The following TMEM18 variants were observed in gnomAD, a reference collection of about 807,000 sequenced individuals.
TMEM18 encodes the protein transmembrane protein 18.
TMEM18 carries 14 observed loss-of-function variants against 17.4 expected under a neutral mutation model. That is an observed-to-expected ratio of 0.80 (90% CI 0.53 to 1.25). The LOEUF is 1.25. Among genes scored for constraint, TMEM18 ranks in the 50% most tolerant of loss-of-function variants. The pLI, the probability that TMEM18 is intolerant of heterozygous loss-of-function variation, is 0.00. For missense variants in TMEM18, 187 were observed against 172.1 expected, an observed-to-expected ratio of 1.09 and a Z score of -0.48; for synonymous variants, 86 against 66.1, an observed-to-expected ratio of 1.30 and a Z score of -1.46.
At chr2:676,691 C>T in intron 1 of TMEM18, 2 of 1,520,828 alleles carry the variant, frequency 1.3e-6, no homozygotes, top group South Asian at 1.2e-5. Context: ...ATCTGTCAGA[C>T]GAACCCGGCA....
At position 667,949 on chromosome 2, in the gene TMEM18, TAAAG is replaced by T. The variant is rs899468586; in HGVS notation, c.*1627_*1630del. ...TAATTAGTCTGTTCTCACACTGCTA[TAAAG>T]ATACTACCTGAGACCTGGATTACTT... On this transcript the variant is annotated 3_prime_UTR_variant, in exon 5 of 5. Coordinates refer to ENST00000281017, the MANE Select transcript of TMEM18 (RefSeq NM_152834.4). The T allele has an allele frequency of 1.3e-5, 2 of 152,256 alleles. No homozygotes were observed. The highest frequency in any genetic ancestry group is 6.5e-5 in the Admixed American group (1 of 15,292). 9.4% of individuals were successfully genotyped at this position (152,256 alleles called of 1,614,324 possible).
Position 675,629 on chromosome 2 carries a change from T to C in TMEM18, c.59A>G (p.Gln20Arg). 6.2e-7 allele frequency: 1 copy of C among 1,613,898 alleles called. No homozygotes were observed. Among genetic ancestry groups the C allele is most frequent in the Non-Finnish European group, 8.5e-7 (1 of 1,180,014 alleles). ...FPVSIPAVLTQTDWTEPWLMG... is the reference protein window; with the variant it reads ...FPVSIPAVLTRTDWTEPWLMG... The stretch of plus-strand genomic sequence containing the variant: ...GAGCCAGGGCTCAGTCCAGTCCGTC[T>C]GCTGTAGGAACACACCAGCAGACAC... The change falls in exon 2 of 5, where the codon CAG becomes CGG. Residue 20 changes from glutamine (Q) to arginine (R), a missense_variant and splice_region_variant. Physicochemically the swap from Gln to Arg is conservative, Grantham distance 43. Transcript: ENST00000281017.
At position 668,672 on chromosome 2, in the gene TMEM18, C is replaced by G. The variant is rs1279904939; in HGVS notation, c.*908G>C. On this transcript the variant is annotated 3_prime_UTR_variant, in exon 5 of 5. Transcript: ENST00000281017. ...CTGTCATTCTTAAACTACAGGTCCACATTTGACAGGAACCAAGAGCCACTG... is the reference window on the plus strand; with the variant it reads ...CTGTCATTCTTAAACTACAGGTCCAGATTTGACAGGAACCAAGAGCCACTG... 2.6e-5 allele frequency: 4 copies of G among 152,258 alleles called. No individual in the cohort carries two copies. The highest frequency in any genetic ancestry group is 5.9e-5 in the Non-Finnish European group (4 of 68,064). 9.4% of individuals were successfully genotyped at this position (152,258 alleles called of 1,614,324 possible). A position where few individuals can be genotyped will look rare whatever the true frequency, so the allele number is the denominator to read the frequency against.
rs1000215867 is a variant in TMEM18 at position 675,811 on chromosome 2, G to A, written c.58-181C>T. On this transcript the variant is annotated intron_variant, in intron 1 of 4. Coordinates refer to ENST00000281017, the MANE Select transcript of TMEM18 (RefSeq NM_152834.4). ...CAGAGAAACATGGGGACAGGAAAGG[G>A]AGAAGGAACCAGGAGGATGGAAACA... is the stretch of plus-strand genomic sequence containing the variant. 90 of 1,530,194 alleles carry A rather than the reference G, an allele frequency of 5.9e-5. No individual in the cohort carries two copies. The Admixed American group carries it at 1.8e-3, about 30-fold the overall frequency. The allele number at this position is 1,530,194 out of a possible 1,614,324, so 94.8% of individuals were successfully genotyped here.
Position 669,062 on chromosome 2 carries a change from CAGG to C in TMEM18, c.*515_*517del, listed in dbSNP as rs955020537. On this transcript the variant is annotated 3_prime_UTR_variant, in exon 5 of 5. Coordinates refer to ENST00000281017, the MANE Select transcript of TMEM18 (RefSeq NM_152834.4). ...ATTTTATGCATCACCCCGGGCTCCA[CAGG>C]AGAAGCCAGGAGCACCACCCCCTCC... 2.6e-5 allele frequency: 4 copies of C among 153,734 alleles called. No individual in the cohort carries two copies. The highest frequency in any genetic ancestry group is 7.2e-5 in the African/African-American group (3 of 41,470). The allele number at this position is 153,734 out of a possible 1,614,324, so 9.5% of individuals were successfully genotyped here. A position where few individuals can be genotyped will look rare whatever the true frequency, so the allele number is the denominator to read the frequency against.
At position 663,886 on chromosome 2, in the gene TMEM18, C is replaced by CA. The variant is rs2103085927; in HGVS notation, c.*5693dup. On this transcript the variant is annotated 3_prime_UTR_variant, in exon 5 of 5. Coordinates refer to ENST00000281017, the MANE Select transcript of TMEM18 (RefSeq NM_152834.4). ...AACTTACAGAGAAGAATTTAAAGAG[C>CA]AAAAAAGCCAACATGAGTAACTTTA... Among the ~76,000 whole-genome samples the CA allele has an allele frequency of 6.6e-6, 1 of 152,200 alleles. No homozygotes were observed. The highest frequency in any genetic ancestry group is 2.4e-5 in the African/African-American group (1 of 41,520).
Position 665,755 on chromosome 2 carries a change from C to G in TMEM18, c.*3825G>C, listed in dbSNP as rs79510229. 6.9e-6 allele frequency among the ~76,000 whole-genome samples: 1 copy of G among 143,984 alleles called. No homozygotes were observed. The highest frequency in any genetic ancestry group is 2.2e-4 in the East Asian group (1 of 4,508). 94.5% of individuals were successfully genotyped at this position (143,984 alleles called of 152,430 possible). On this transcript the variant is annotated 3_prime_UTR_variant, in exon 5 of 5. Coordinates refer to ENST00000281017, the MANE Select transcript of TMEM18 (RefSeq NM_152834.4). ...AGATGCCCCACTCACTCAGATGGAG[C>G]ATCAACCCCACACACAACAGGACCC...
chr2:669,634 C>T lies in TMEM18; in HGVS notation c.369G>A (p.Leu123=), dbSNP rs566276926. ...VWKTLNVMTD[L]KNAQERRKEK... is the part of the protein sequence containing the mutation. ...CCTTTCTTCTCTCTTGTGCATTCTT[C>T]AGGTCAGTCATCACATTCAAAGTCT... The change falls in exon 5 of 5, where the codon CTG becomes CTA. Residue 123 remains leucine (L), a synonymous_variant. Coordinates refer to ENST00000281017, the MANE Select transcript of TMEM18 (RefSeq NM_152834.4). 116 of 1,614,176 alleles carry T rather than the reference C, an allele frequency of 7.2e-5. 2 individuals are homozygous for T. In the South Asian group the frequency reaches 1.2e-3, roughly 16 times the overall value.
In TMEM18 at chr2:664,871, C is replaced by T. The variant is rs940880243; in HGVS notation, c.*4709G>A. On this transcript the variant is annotated 3_prime_UTR_variant, in exon 5 of 5. Coordinates refer to ENST00000281017, the MANE Select transcript of TMEM18 (RefSeq NM_152834.4). ...CATCTCTAATATCAGTAACTGGTTA[C>T]GTAAATTCAGCCTATACCCCTACAA... Among the ~76,000 whole-genome samples, 12 of 152,264 alleles carry T rather than the reference C, an allele frequency of 7.9e-5. No homozygotes were observed. Among genetic ancestry groups the T allele is most frequent in the Admixed American group, 4.6e-4 (7 of 15,290 alleles).
At position 675,569 on chromosome 2, in the gene TMEM18, A is replaced by T. The variant is rs750958288; in HGVS notation, c.119T>A (p.Leu40His). 6.2e-7 allele frequency: 1 copy of T among 1,614,234 alleles called. No individual in the cohort carries two copies. The highest frequency in any genetic ancestry group is 8.5e-7 in the Non-Finnish European group (1 of 1,180,044). ...GCTTCGGGAGGACAAGCAGGTGAGG[A>T]GCACGCAGAGCGCGTGGAAGGTGGC... Reference protein sequence around the residue: ...GLATFHALCVLLTCLSSRSYR... With the variant: ...GLATFHALCVHLTCLSSRSYR... Residue 40 changes from leucine (L) to histidine (H), a missense_variant, in exon 2 of 5, where the codon CTC becomes CAC. Physicochemically the swap from Leu to His is moderately conservative, Grantham distance 99. Coordinates refer to ENST00000281017, the MANE Select transcript of TMEM18 (RefSeq NM_152834.4).
At chr2:675,831 G>T (rs2293084) in intron 1 of TMEM18, 676,315 of 1,524,088 alleles carry the variant, frequency 0.44, 151,718 homozygotes, top group South Asian at 0.51. Flanking sequence ...CAGGAGGATG[G>T]AAACAGGATT....
chr2:664,263 GTCAGCTTGGGAGGAGGTGGAACC>G lies in TMEM18; in HGVS notation c.*5294_*5316del, dbSNP rs1371598647. On this transcript the variant is annotated 3_prime_UTR_variant, in exon 5 of 5. Transcript: ENST00000281017. ...CACGGTTCTTCTCCGAGGGTCACTTGTCAGCTTGGGAGGAGGTGGAACCTCAGCTCTTCACAGTTCCTGATGAT... is the reference window on the plus strand; with the variant it reads ...CACGGTTCTTCTCCGAGGGTCACTTGTCAGCTCTTCACAGTTCCTGATGAT... Among the ~76,000 whole-genome samples the G allele has an allele frequency of 6.6e-6, 1 of 152,194 alleles. No individual in the cohort carries two copies. Among genetic ancestry groups the G allele is most frequent in the Non-Finnish European group, 1.5e-5 (1 of 68,036 alleles).
Position 669,523 on chromosome 2 carries a change from AC to A in TMEM18, c.*56del. 1 of 1,526,132 alleles carries A rather than the reference AC, an allele frequency of 6.6e-7. No homozygotes were observed. Among genetic ancestry groups the A allele is most frequent in the Non-Finnish European group, 9.1e-7 (1 of 1,101,398 alleles). 94.5% of individuals were successfully genotyped at this position (1,526,132 alleles called of 1,614,324 possible). A position where few individuals can be genotyped will look rare whatever the true frequency, so the allele number is the denominator to read the frequency against. On this transcript the variant is annotated 3_prime_UTR_variant, in exon 5 of 5. Transcript: ENST00000281017. ...ATGCCCACGCCACGCACACTGCAGCACTGGGAGCTGCACTGGGTGGACGGGA... is the reference window on the plus strand; with the variant it reads ...ATGCCCACGCCACGCACACTGCAGCATGGGAGCTGCACTGGGTGGACGGGA...
In TMEM18 at chr2:669,789, C is replaced by T; in HGVS notation, c.295G>A (p.Ala99Thr). 3.1e-6 allele frequency: 5 copies of T among 1,613,962 alleles called. No homozygotes were observed. The highest frequency in any genetic ancestry group is 4.2e-6 in the Non-Finnish European group (5 of 1,180,002). Residue 99 changes from alanine to threonine, a missense_variant, in exon 4 of 5, where the codon GCC becomes ACC. Coordinates refer to ENST00000281017, the MANE Select transcript of TMEM18 (RefSeq NM_152834.4). ...ATCATGGCATTCACCAGCAGTGGGG[C>T]TGAAAATACTATAGAAATGAACATC... Reference protein sequence around the residue: ...RGMFISIVFSAPLLVNAMIIV... With the variant: ...RGMFISIVFSTPLLVNAMIIV...
chr2:674,196 C>T (rs1267922551), intron 2 of TMEM18, among the ~76,000 whole-genome samples: 4 of 152,190 alleles, frequency 2.6e-5, no homozygotes, highest in African/African-American at 9.7e-5. Context: ...GTCATCCTTC[C>T]CCTTATCCTA....
Position 664,586 on chromosome 2 carries a change from C to T in TMEM18, c.*4994G>A, listed in dbSNP as rs898901497. Among the ~76,000 whole-genome samples, 10 of 152,338 alleles carry T rather than the reference C, an allele frequency of 6.6e-5. No homozygotes were observed. Among genetic ancestry groups the T allele is most frequent in the African/African-American group, 2.4e-4 (10 of 41,576 alleles). ...AGTTAAAACAGTGAGATAAAACTTT[C>T]ACCTATTACTCAGAAAAGTTTCTTT... On this transcript the variant is annotated 3_prime_UTR_variant, in exon 5 of 5. Transcript: ENST00000281017.
In TMEM18 at chr2:675,621, A is replaced by G. The variant is rs1214459147; in HGVS notation, c.67T>C (p.Trp23Arg). 6.2e-7 allele frequency: 1 copy of G among 1,614,060 alleles called. No individual in the cohort carries two copies. The highest frequency in any genetic ancestry group is 8.5e-7 in the Non-Finnish European group (1 of 1,180,030). Residue 23 changes from tryptophan to arginine, a missense_variant, in exon 2 of 5, where the codon TGG (tryptophan) becomes CGG (arginine). Transcript: ENST00000281017. ...SIPAVLTQTD[W>R]TEPWLMGLAT... ...AGCCCCATGAGCCAGGGCTCAGTCCAGTCCGTCTGCTGTAGGAACACACCA... is the reference window on the plus strand; with the variant it reads ...AGCCCCATGAGCCAGGGCTCAGTCCGGTCCGTCTGCTGTAGGAACACACCA...
Position 666,536 on chromosome 2 carries a change from C to A in TMEM18, c.*3044G>T, listed in dbSNP as rs1379027394. ...CTTGCTGTCAACTGTTCCAGCCCCACTCGGAACAAGCTGCCACCAACGCAT... is the reference window on the plus strand; with the variant it reads ...CTTGCTGTCAACTGTTCCAGCCCCAATCGGAACAAGCTGCCACCAACGCAT... On this transcript the variant is annotated 3_prime_UTR_variant, in exon 5 of 5. Coordinates refer to ENST00000281017, the MANE Select transcript of TMEM18 (RefSeq NM_152834.4). Among the ~76,000 whole-genome samples, 1 of 152,192 alleles carries A rather than the reference C, an allele frequency of 6.6e-6. No individual in the cohort carries two copies. The highest frequency in any genetic ancestry group is 1.5e-5 in the Non-Finnish European group (1 of 68,030).
chr2:676,023 T>C, intron 1 of TMEM18: 1 of 1,308,990 alleles, frequency 7.6e-7, no homozygotes, highest in South Asian at 1.3e-5. Context: ...ACAAGGAAAT[T>C]AAGACGATTG....
Sources: allele counts gnomAD v4.1 joint callset (sites outside exome capture counted in the v4.1 genomes callset), GRCh38; gene constraint gnomAD v4.1.1; transcripts MANE v1.5; gene names NCBI Gene and HGNC (gene_info 2026-07-23, HGNC 2026-07-21).